Variants in CNTN1 observed in about 807,000 individuals in gnomAD.
The protein encoded by CNTN1 is contactin 1.
Under a neutral mutation model 126.4 loss-of-function variants are expected in CNTN1, and 38 were observed. That is an observed-to-expected ratio of 0.30 (90% CI 0.23 to 0.39). CNTN1 has a LOEUF of 0.39. Among genes scored for constraint, CNTN1 ranks in the 10% least tolerant of loss-of-function variants. CNTN1 has a pLI of 1.00. For missense variants in CNTN1, 1,009 were observed against 1,248.4 expected (o/e 0.81, Z 2.89); for synonymous variants, 413 against 422.6 (o/e 0.98, Z 0.28).
intron 14 of CNTN1, among the ~76,000 whole-genome samples, chr12:40,956,663 A>G (rs1310189954): frequency 1.3e-5 from 2 of 152,080 alleles, no homozygotes; most frequent in African/African-American, 4.8e-5. Context: ...TGTGAGTGAG[A>G]TGGCACACTA....
intron 17 of CNTN1, among the ~76,000 whole-genome samples, chr12:40,997,228 C>T (rs1948241098): frequency 6.6e-6 from 1 of 152,164 alleles, no homozygotes; most frequent in African/African-American, 2.4e-5. Context: ...AAGACATGCC[C>T]CCATGGCTAA....
intron 1 of CNTN1, among the ~76,000 whole-genome samples, chr12:40,799,920 G>C (rs920684843): frequency 6.6e-6 from 1 of 151,954 alleles, no homozygotes; most frequent in Non-Finnish European, 1.5e-5. Context: ...CTTGGCTATG[G>C]ACAAACAATA....
At chr12:40,749,537 G>A (rs554065232) in intron 1 of CNTN1, among the ~76,000 whole-genome samples, 1 of 151,804 alleles carries the variant, frequency 6.6e-6, no homozygotes, top group African/African-American at 2.4e-5. Flanking sequence ...AACCTGGTAG[G>A]ACTAGGGTGA....
chr12:40,995,693 C>T (rs1948196179), intron 17 of CNTN1, among the ~76,000 whole-genome samples: 1 of 152,072 alleles, frequency 6.6e-6, no homozygotes, highest in Non-Finnish European at 1.5e-5. Flanking sequence ...CACCTATTCA[C>T]AGAGTAAGAT....
intron 1 of CNTN1, among the ~76,000 whole-genome samples, chr12:40,836,114 GTA>G (rs376487644): frequency 0.015 from 2,140 of 145,398 alleles, 65 homozygotes; most frequent in African/African-American, 0.052. Context: ...ACATATACAG[GTA>G]TATATATACG....
intron 16 of CNTN1, among the ~76,000 whole-genome samples, chr12:40,992,233 C>T (rs1227980039): frequency 6.6e-6 from 1 of 152,056 alleles, no homozygotes; most frequent in African/African-American, 2.4e-5. Context: ...AGAATTTGTC[C>T]AAAAGTAGAA....
intron 23 of CNTN1, among the ~76,000 whole-genome samples, chr12:41,041,991 C>A (rs1485221616): frequency 1.3e-5 from 2 of 152,036 alleles, no homozygotes; most frequent in Non-Finnish European, 2.9e-5. Flanking sequence ...TTTTCTAGTT[C>A]TTTTAATTGT....
chr12:40,876,005 A>T (rs1943655343), intron 1 of CNTN1, among the ~76,000 whole-genome samples: 1 of 152,056 alleles, frequency 6.6e-6, no homozygotes, highest in Non-Finnish European at 1.5e-5. Context: ...GTCTATCTCA[A>T]GGTAACATTA....
chr12:40,953,718 T>C (rs1357902119), intron 14 of CNTN1, among the ~76,000 whole-genome samples: 2 of 152,048 alleles, frequency 1.3e-5, no homozygotes, highest in African/African-American at 4.8e-5. Context: ...TTAATAAATA[T>C]AAATTTAATA....
At chr12:40,720,659 T>C (rs1411332246) in intron 1 of CNTN1, among the ~76,000 whole-genome samples, 1 of 152,164 alleles carries the variant, frequency 6.6e-6, no homozygotes, top group Non-Finnish European at 1.5e-5. Context: ...CCAGGCGCGG[T>C]GGCTCATGTC....
intron 1 of CNTN1, among the ~76,000 whole-genome samples, chr12:40,820,970 A>T (rs1055756416): frequency 1.1e-4 from 16 of 152,200 alleles, no homozygotes; most frequent in African/African-American, 3.9e-4. Context: ...AATAAGGCTG[A>T]TGTCTCCATC....
At chr12:40,856,263 G>A (rs532728456) in intron 1 of CNTN1, among the ~76,000 whole-genome samples, 1 of 152,116 alleles carries the variant, frequency 6.6e-6, no homozygotes, top group Admixed American at 6.6e-5. Context: ...ATAGATTGAG[G>A]CAGTGACAAT....
chr12:40,866,762 AT>A (rs968701869), intron 1 of CNTN1, among the ~76,000 whole-genome samples: 3 of 152,090 alleles, frequency 2.0e-5, no homozygotes, highest in Admixed American at 6.6e-5. Context: ...TCACCTGTTT[AT>A]TTTTTTATAT....
chr12:40,881,731 G>A (rs1943875828), intron 1 of CNTN1, among the ~76,000 whole-genome samples: 2 of 151,746 alleles, frequency 1.3e-5, no homozygotes, highest in South Asian at 2.1e-4. Context: ...ACCCATTCAT[G>A]CAGATCTCGA....
At chr12:40,811,170 A>C (rs538792697) in intron 1 of CNTN1, among the ~76,000 whole-genome samples, 26 of 152,242 alleles carry the variant, frequency 1.7e-4, no homozygotes, top group Non-Finnish European at 3.4e-4. Flanking sequence ...GACAGTGATT[A>C]AATTTTCTTT....
chr12:40,697,349 G>T (rs1315998740), intron 1 of CNTN1, among the ~76,000 whole-genome samples: 1 of 152,090 alleles, frequency 6.6e-6, no homozygotes, highest in African/African-American at 2.4e-5. Context: ...TTGTTCCTAT[G>T]ATTTTGGATG....
chr12:40,808,300 T>A (rs1436287372), intron 1 of CNTN1, among the ~76,000 whole-genome samples: 3 of 152,172 alleles, frequency 2.0e-5, no homozygotes, highest in Non-Finnish European at 4.4e-5. Context: ...TGCTGGTAAA[T>A]GTGTAACAAC....
chr12:40,921,394 G>A (rs113836928), intron 4 of CNTN1, among the ~76,000 whole-genome samples: 1 of 152,248 alleles, frequency 6.6e-6, no homozygotes, highest in East Asian at 1.9e-4. Flanking sequence ...GATAAAGAAT[G>A]ATTATAAAAT....
chr12:40,751,793 T>C (rs527660737), intron 1 of CNTN1, among the ~76,000 whole-genome samples: 3 of 152,118 alleles, frequency 2.0e-5, no homozygotes, highest in Non-Finnish European at 4.4e-5. Flanking sequence ...TAAGTAGCGA[T>C]AACATCTACC....
Sources: allele counts gnomAD v4.1 joint callset (sites outside exome capture counted in the v4.1 genomes callset), GRCh38; gene constraint gnomAD v4.1.1; transcripts MANE v1.5; gene names NCBI Gene and HGNC (gene_info 2026-07-23, HGNC 2026-07-21).